Variants in NPAS3 observed in about 807,000 individuals in gnomAD.
The protein encoded by NPAS3 is neuronal PAS domain protein 3, also known as neuronal PAS domain-containing protein 3.
NPAS3 carries 14 observed loss-of-function variants against 73.1 expected under a neutral mutation model. The ratio of observed to expected loss-of-function variants is 0.19; its 90% CI spans 0.13 to 0.30. The LOEUF is 0.30. Among genes scored for constraint, NPAS3 ranks in the 10% least tolerant of loss-of-function variants. The probability of loss-of-function intolerance (pLI) is 1.00; values close to 1 mark genes in which losing one functional copy is unlikely to be tolerated. For missense variants in NPAS3, 1,096 were observed against 1,250.0 expected (o/e 0.88, Z 1.86); for synonymous variants, 620 against 541.5 (o/e 1.14, Z -2.01).
intron 3 of NPAS3, among the ~76,000 whole-genome samples, chr14:33,366,049 T>C (rs1349691941): frequency 6.6e-6 from 1 of 152,176 alleles, no homozygotes; most frequent in African/African-American, 2.4e-5. Context: ...TTGTTAGAAA[T>C]ATAGAAAGCA....
At chr14:33,691,311 A>T (rs1471899631) in intron 6 of NPAS3, among the ~76,000 whole-genome samples, 1 of 152,242 alleles carries the variant, frequency 6.6e-6, no homozygotes, top group Admixed American at 6.5e-5. Flanking sequence ...AACAAAGACT[A>T]GACAAAAGAT....
chr14:33,330,310 C>T (rs1404357651), intron 3 of NPAS3, among the ~76,000 whole-genome samples: 1 of 152,104 alleles, frequency 6.6e-6, no homozygotes, highest in African/African-American at 2.4e-5. Flanking sequence ...CTACCTCTTC[C>T]CCCTCCCCTT....
chr14:33,658,843 G>A (rs1165776345), intron 5 of NPAS3, among the ~76,000 whole-genome samples: 1 of 152,108 alleles, frequency 6.6e-6, no homozygotes, highest in Non-Finnish European at 1.5e-5. Context: ...TCAAGTTGAA[G>A]TGGTTTTGAG....
intron 3 of NPAS3, among the ~76,000 whole-genome samples, chr14:33,221,785 C>T (rs191826779): frequency 6.6e-6 from 1 of 152,212 alleles, no homozygotes; most frequent in African/African-American, 2.4e-5. Flanking sequence ...TGGTAAAACC[C>T]ATCCATTTCT....
At chr14:33,151,727 T>A (rs991969805) in intron 2 of NPAS3, among the ~76,000 whole-genome samples, 3 of 152,238 alleles carry the variant, frequency 2.0e-5, no homozygotes, top group African/African-American at 7.2e-5. Context: ...TAGATCACAT[T>A]CCTACAAGTG....
chr14:33,421,229 G>A (rs1203253516), intron 4 of NPAS3, among the ~76,000 whole-genome samples: 13 of 147,252 alleles, frequency 8.8e-5, no homozygotes, highest in African/African-American at 2.7e-4. Flanking sequence ...TATCATTGTT[G>A]TCTTTTCTTA....
Position 33,662,663 on chromosome 14 carries a change from G to A in NPAS3, c.559-13548G>A, listed in dbSNP as rs151281952. 4.1e-3 allele frequency among the ~76,000 whole-genome samples: 630 copies of A among 151,976 alleles called. 5 individuals carry two copies. Among genetic ancestry groups the A allele is most frequent in the African/African-American group, 0.011 (455 of 41,442 alleles). ...GTAGTTCTCCTTGAAGAGGTCTTTC[G>A]CGTCCCTTGTACATTGTATTCCTAG... On this transcript the variant is annotated intron_variant, in intron 5 of 11. Coordinates refer to ENST00000356141, the Ensembl canonical transcript of NPAS3.
chr14:33,597,585 A>G (rs2057282323), intron 5 of NPAS3, among the ~76,000 whole-genome samples: 1 of 152,260 alleles, frequency 6.6e-6, no homozygotes, highest in South Asian at 2.1e-4. Flanking sequence ...TTCTTCATAC[A>G]TATACCTGTG....
At chr14:33,312,705 G>A (rs768694234) in intron 3 of NPAS3, among the ~76,000 whole-genome samples, 5 of 151,902 alleles carry the variant, frequency 3.3e-5, no homozygotes, top group African/African-American at 7.3e-5. Context: ...AGCCTTTGAC[G>A]TGAAGCTCTG....
intron 5 of NPAS3, among the ~76,000 whole-genome samples, chr14:33,564,429 T>C (rs2055821067): frequency 6.6e-6 from 1 of 152,234 alleles, no homozygotes; most frequent in Non-Finnish European, 1.5e-5. Context: ...TGTCGTGATC[T>C]ACACAGCAAA....
chr14:33,582,609 C>T (rs1159713584), intron 5 of NPAS3, among the ~76,000 whole-genome samples: 5 of 152,222 alleles, frequency 3.3e-5, no homozygotes. Context: ...CTAACCCTTG[C>T]TCTCTGAAAT....
intron 4 of NPAS3, among the ~76,000 whole-genome samples, chr14:33,422,139 A>G (rs1283063191): frequency 4.6e-5 from 7 of 151,944 alleles, no homozygotes; most frequent in African/African-American, 1.4e-4. Flanking sequence ...AGCAGCGGCC[A>G]AGACTAATTC....
At chr14:33,595,816 G>T (rs866366307) in intron 5 of NPAS3, among the ~76,000 whole-genome samples, 1 of 152,122 alleles carries the variant, frequency 6.6e-6, no homozygotes, top group Non-Finnish European at 1.5e-5. Context: ...GACTACAGGT[G>T]CCCGCCACCA....
intron 5 of NPAS3, among the ~76,000 whole-genome samples, chr14:33,666,584 A>G (rs1383856330): frequency 6.6e-6 from 1 of 150,784 alleles, no homozygotes; most frequent in Admixed American, 6.6e-5. Flanking sequence ...GAGAAATTTG[A>G]GAGGCAGTGA....
At chr14:33,614,642 G>C (rs766950446) in intron 5 of NPAS3, among the ~76,000 whole-genome samples, 16 of 152,150 alleles carry the variant, frequency 1.1e-4, no homozygotes, top group Admixed American at 2.0e-4. Flanking sequence ...CAGCAGTTTA[G>C]AGCAGTGTTA....
chr14:33,614,394 A>G (rs1363074813), intron 5 of NPAS3, among the ~76,000 whole-genome samples: 1 of 151,678 alleles, frequency 6.6e-6, no homozygotes, highest in African/African-American at 2.4e-5. Context: ...TGTGTAGAAT[A>G]TTGGTGGAGA....
chr14:33,311,156 C>A (rs927243098), intron 3 of NPAS3, among the ~76,000 whole-genome samples: 1 of 151,996 alleles, frequency 6.6e-6, no homozygotes, highest in African/African-American at 2.4e-5. Context: ...TTTCCTCTTG[C>A]CTTTTGGGGT....
intron 4 of NPAS3, among the ~76,000 whole-genome samples, chr14:33,549,178 C>G (rs2054990201): frequency 6.6e-6 from 1 of 152,160 alleles, no homozygotes; most frequent in African/African-American, 2.4e-5. Context: ...CCTTTCACTT[C>G]AAGACAGCAC....
chr14:33,496,480 C>T (rs1303327160), intron 4 of NPAS3, among the ~76,000 whole-genome samples: 1 of 152,130 alleles, frequency 6.6e-6, no homozygotes, highest in Admixed American at 6.5e-5. Context: ...AATACAGCAG[C>T]ACATCAAAAA....
Sources: allele counts gnomAD v4.1 joint callset (sites outside exome capture counted in the v4.1 genomes callset), GRCh38; gene constraint gnomAD v4.1.1; transcripts MANE v1.5; gene names NCBI Gene and HGNC (gene_info 2026-07-23, HGNC 2026-07-21).